GPR39: variants seen among roughly 807,000 people sequenced by gnomAD.
GPR39 encodes zinc sensing receptor.
In GPR39, 23 loss-of-function variants were observed where a neutral mutation model predicts 18.4. The observed-to-expected ratio is 1.25, with a 90% CI of 0.90 to 1.77. GPR39 has a LOEUF of 1.77. GPR39 is among the 40% of genes most tolerant of loss of function. The probability of loss-of-function intolerance (pLI) is 0.00; values close to 1 mark genes in which losing one functional copy is unlikely to be tolerated. For missense variants in GPR39, 647 were observed against 602.4 expected (o/e 1.07, Z -0.78); for synonymous variants, 280 against 257.9 (o/e 1.09, Z -0.82).
intron 1 of GPR39, among the ~76,000 whole-genome samples, chr2:132,437,265 TTTCTC>T (rs778796828): frequency 1.4e-4 from 21 of 152,348 alleles, no homozygotes; most frequent in Non-Finnish European, 2.4e-4. Flanking sequence ...ATTTTGATCT[TTTCTC>T]TTCTATTCAT....
chr2:132,623,148 G>T (rs1344734067), intron 1 of GPR39, among the ~76,000 whole-genome samples: 1 of 152,084 alleles, frequency 6.6e-6, no homozygotes, highest in Non-Finnish European at 1.5e-5. Flanking sequence ...GAGATTTTAT[G>T]GTTTGTAAGG....
intron 1 of GPR39, among the ~76,000 whole-genome samples, chr2:132,634,056 GGGGTGGC>G (rs1681703411): frequency 2.6e-5 from 4 of 151,836 alleles, no homozygotes; most frequent in African/African-American, 9.7e-5. Context: ...GATGATGGTG[GGGGTGGC>G]AGTAGTAGCA....
At chr2:132,582,233 A>T (rs1680636227) in intron 1 of GPR39, among the ~76,000 whole-genome samples, 2 of 152,218 alleles carry the variant, frequency 1.3e-5, no homozygotes, top group Non-Finnish European at 2.9e-5. Flanking sequence ...TGCGGGGAAG[A>T]CACATGCAGG....
intron 1 of GPR39, among the ~76,000 whole-genome samples, chr2:132,546,356 G>A (rs1032363980): frequency 1.3e-5 from 2 of 152,194 alleles, no homozygotes; most frequent in African/African-American, 2.4e-5. Context: ...CAAGAGGGGA[G>A]CCTGGCTATA....
intron 1 of GPR39, among the ~76,000 whole-genome samples, chr2:132,568,080 A>C (rs369770736): frequency 6.6e-6 from 1 of 152,190 alleles, no homozygotes; most frequent in East Asian, 1.9e-4. Context: ...GTAGGGATGA[A>C]GAGTTCCCAT....
At chr2:132,546,394 G>A (rs1217658274) in intron 1 of GPR39, among the ~76,000 whole-genome samples, 1 of 152,188 alleles carries the variant, frequency 6.6e-6, no homozygotes, top group African/African-American at 2.4e-5. Flanking sequence ...ACAGATCGGG[G>A]GATAGGCAGA....
At chr2:132,627,318 T>C (rs1026574526) in intron 1 of GPR39, among the ~76,000 whole-genome samples, 2 of 152,114 alleles carry the variant, frequency 1.3e-5, no homozygotes, top group African/African-American at 2.4e-5. Flanking sequence ...AGAGGATTAG[T>C]TTTAGGCAGG....
intron 1 of GPR39, among the ~76,000 whole-genome samples, chr2:132,458,039 G>A (rs1307894189): frequency 2.0e-5 from 3 of 152,164 alleles, no homozygotes; most frequent in African/African-American, 7.2e-5. Flanking sequence ...AGTCTGTCAC[G>A]GCTTCCCTTG....
intron 1 of GPR39, among the ~76,000 whole-genome samples, chr2:132,427,626 C>T (rs907530217): frequency 2.0e-5 from 3 of 150,458 alleles, no homozygotes; most frequent in Non-Finnish European, 4.4e-5. Context: ...TATGTGCTGC[C>T]ATTCTGAAGG....
At chr2:132,544,164 A>G (rs113549098) in intron 1 of GPR39, among the ~76,000 whole-genome samples, 1,600 of 152,298 alleles carry the variant, frequency 0.011, 24 homozygotes, top group African/African-American at 0.037. Context: ...GTCATCTTTT[A>G]GTTTCTATAG....
chr2:132,622,291 G>A (rs958132409), intron 1 of GPR39, among the ~76,000 whole-genome samples: 1 of 152,138 alleles, frequency 6.6e-6, no homozygotes, highest in African/African-American at 2.4e-5. Flanking sequence ...CTACTGTGGA[G>A]GCTGAGGCAC....
chr2:132,472,694 A>G (rs1419074925), intron 1 of GPR39, among the ~76,000 whole-genome samples: 1 of 152,110 alleles, frequency 6.6e-6, no homozygotes, highest in Non-Finnish European at 1.5e-5. Flanking sequence ...CACGCAACTT[A>G]TACTCTGCAT....
Position 132,622,983 on chromosome 2 carries a change from G to A in GPR39, c.857-22118G>A, listed in dbSNP as rs184495559. Among the ~76,000 whole-genome samples, 720 of 152,168 alleles carry A rather than the reference G, an allele frequency of 4.7e-3. 19 individuals carry two copies. Among genetic ancestry groups the A allele is most frequent in the Admixed American group, 0.042 (638 of 15,282 alleles). On this transcript the variant is annotated intron_variant, in intron 1 of 1. Transcript: ENST00000329321. ...ACAAAGTAGCCGGGTGTGGTGGCGG[G>A]TGCCTGTAATCCCAGCTACTCAGGA...
intron 1 of GPR39, among the ~76,000 whole-genome samples, chr2:132,562,995 C>T (rs1680282149): frequency 6.6e-6 from 1 of 152,216 alleles, no homozygotes; most frequent in African/African-American, 2.4e-5. Context: ...CCCAAAGAGC[C>T]TGGCAGAGCA....
intron 1 of GPR39, among the ~76,000 whole-genome samples, chr2:132,560,273 T>C (rs1035336826): frequency 6.6e-6 from 1 of 152,096 alleles, no homozygotes; most frequent in African/African-American, 2.4e-5. Context: ...CATCACCCCT[T>C]CTCGATAGCT....
In GPR39 at chr2:132,574,124, T is replaced by G. The variant is rs79552009; in HGVS notation, c.857-70977T>G. 1.8e-3 allele frequency among the ~76,000 whole-genome samples: 270 copies of G among 152,366 alleles called. 4 individuals are homozygous for G. The East Asian group carries it at 0.048, about 27-fold the overall frequency. Reference sequence around the variant, plus strand: ...CAGGGAAAGGATATACCATGCTGTATTTAAACATTTCTCACTCTTTGGTCA... The same window carrying G: ...CAGGGAAAGGATATACCATGCTGTAGTTAAACATTTCTCACTCTTTGGTCA... On this transcript the variant is annotated intron_variant, in intron 1 of 1. Coordinates refer to ENST00000329321, the MANE Select transcript of GPR39 (RefSeq NM_001508.3).
At position 132,646,346 on chromosome 2, in the gene GPR39, C is replaced by T; in HGVS notation, c.*740C>T. On this transcript the variant is annotated 3_prime_UTR_variant, in exon 2 of 2. Coordinates refer to ENST00000329321, the MANE Select transcript of GPR39 (RefSeq NM_001508.3). ...GCAAAAGAATAGCTGTCCCTCTCAG[C>T]CCAAATCCAAACGGACAGCTCTTCC... 8.7e-7 allele frequency: 1 copy of T among 1,154,032 alleles called. No individual in the cohort carries two copies. Among genetic ancestry groups the T allele is most frequent in the Non-Finnish European group, 1.2e-6 (1 of 861,910 alleles). 71.5% of individuals were successfully genotyped at this position (1,154,032 alleles called of 1,614,324 possible). A position where few individuals can be genotyped will look rare whatever the true frequency, so the allele number is the denominator to read the frequency against.
intron 1 of GPR39, chr2:132,488,612 C>T (rs1359423442): frequency 2.6e-5 from 4 of 152,604 alleles, no homozygotes; most frequent in Non-Finnish European, 4.4e-5. Context: ...TTGTCTCTAC[C>T]ATCTTGTCGT....
At chr2:132,491,756 C>T (rs940226636) in intron 1 of GPR39, among the ~76,000 whole-genome samples, 29 of 151,854 alleles carry the variant, frequency 1.9e-4, no homozygotes, top group African/African-American at 7.0e-4. Flanking sequence ...GCCCCAGAGG[C>T]AGAAACTGCC....
Sources: gnomAD v4.1 joint callset for allele counts (sites outside exome capture counted in the v4.1 genomes callset) on GRCh38, gnomAD v4.1.1 for gene constraint, MANE v1.5 for transcripts, NCBI Gene and HGNC (gene_info 2026-07-23, HGNC 2026-07-21) for gene names.